The following TICRR variants were observed in gnomAD, a reference collection of about 807,000 sequenced individuals.
The protein encoded by TICRR is treslin.
Under a neutral mutation model 178.1 loss-of-function variants are expected in TICRR, and 132 were observed. The ratio of observed to expected loss-of-function variants is 0.74; its 90% CI spans 0.64 to 0.86. The LOEUF is 0.86. Ranked by LOEUF, TICRR falls within the 40% of genes least tolerant of loss-of-function variation. TICRR has a pLI of 0.00. For synonymous variants in TICRR, 991 were observed against 900.7 expected (o/e 1.10, Z -1.79); for missense variants, 2,587 against 2,334.3 (o/e 1.11, Z -2.23).
In TICRR at chr15:89,585,796, G is replaced by A; in HGVS notation, c.1265G>A (p.Cys422Tyr). 1 of 1,614,162 alleles carries A rather than the reference G, an allele frequency of 6.2e-7. No homozygotes were observed. ...LSASAMILTV[C>Y]RTKEAEFQRH... ...GCCAGTGCTATGATCCTCACTGTGTGCCGCACCAAGGAGGCTGAATTTCAA... is the reference window on the plus strand; with the variant it reads ...GCCAGTGCTATGATCCTCACTGTGTACCGCACCAAGGAGGCTGAATTTCAA... The change falls in exon 4 of 22, where the codon TGC becomes TAC. Residue 422 changes from cysteine to tyrosine, a missense_variant. Coordinates refer to ENST00000268138, the MANE Select transcript of TICRR (RefSeq NM_152259.4).
intron 15 of TICRR, 151 bp downstream of exon 15, chr15:89,609,100 C>CTTTTTTTTTTTTTTTTTTTTTTTTTTTT (rs59398617): frequency 2.5e-5 from 2 of 81,478 alleles, no homozygotes; most frequent in Admixed American, 2.6e-4. Flanking sequence ...TTTTGTTAAT[C>CTTTTTTTTTTTTTTTTTTTTTTTTTTTT]TTTTTTTTTT....
rs778784044 is a variant in TICRR, at chr15:89,624,804, G to T, written c.4494G>T (p.Lys1498Asn). 1.9e-6 allele frequency: 3 copies of T among 1,614,208 alleles called. No individual in the cohort carries two copies. Among genetic ancestry groups the T allele is most frequent in the Non-Finnish European group, 2.5e-6 (3 of 1,180,048 alleles). The change falls in exon 20 of 22, where the codon AAG becomes AAT. Residue 1498 changes from lysine to asparagine, a missense_variant. Coordinates refer to ENST00000268138, the MANE Select transcript of TICRR (RefSeq NM_152259.4). ...GGCTAAGGACAGCAGATGCTGAGAA[G>T]TCTTCTCTGTCTCACCCTGGGATTC... ...GEGLRTADAE[K>N]SSLSHPGIPP...
chr15:89,618,415 T>C (rs910340106), intron 17 of TICRR, among the ~76,000 whole-genome samples: 1 of 152,222 alleles, frequency 6.6e-6, no homozygotes. Flanking sequence ...GAAATATTTT[T>C]GCACAACAGA....
chr15:89,588,739 G>A (rs1036764708), intron 4 of TICRR, among the ~76,000 whole-genome samples: 2 of 152,124 alleles, frequency 1.3e-5, no homozygotes, highest in African/African-American at 4.8e-5. Flanking sequence ...TCAAATGTGT[G>A]TATGGAAGTT....
In TICRR at chr15:89,624,351, C is replaced by T. The variant is rs1963475607; in HGVS notation, c.4041C>T (p.Pro1347=). The change falls in exon 20 of 22, where the codon CCC becomes CCT. Residue 1347 remains proline, a synonymous_variant. Transcript: ENST00000268138. ...ELDQKEPQMS[P]SVAASLSCPV... ...ATCAGAAAGAGCCCCAGATGTCACCCAGCGTAGCTGCATCTCTCTCCTGCC... is the reference window on the plus strand; with the variant it reads ...ATCAGAAAGAGCCCCAGATGTCACCTAGCGTAGCTGCATCTCTCTCCTGCC... 3 of 1,614,138 alleles carry T rather than the reference C, an allele frequency of 1.9e-6. No homozygotes were observed. The South Asian group carries it at 3.3e-5, about 18-fold the overall frequency.
chr15:89,611,853 T>G (rs888923440), intron 15 of TICRR, among the ~76,000 whole-genome samples: 3 of 152,212 alleles, frequency 2.0e-5, no homozygotes, highest in African/African-American at 7.2e-5. Context: ...CTCATTTTGT[T>G]CATATATTAT....
At chr15:89,602,646 G>A (rs1409847933) in intron 12 of TICRR, 150 bp from the exon 13 acceptor site, 2 of 411,094 alleles carry the variant, frequency 4.9e-6, no homozygotes, top group Non-Finnish European at 8.5e-6. Context: ...AAATTCTGGG[G>A]TGACTTGTTT....
rs928163146 is a variant in TICRR at position 89,595,708 on chromosome 15, A to G, written c.1900+97A>G. 7.9e-5 allele frequency: 64 copies of G among 805,558 alleles called. No homozygotes were observed. The African/African-American group carries it at 9.0e-4, about 11-fold the overall frequency. The allele number at this position is 805,558 out of a possible 1,614,324, so 49.9% of individuals were successfully genotyped here. ...AGTTTATTGACTATCTGCTACATGC[A>G]CAAAAAGGTGTTATGGTGAATACAG... On this transcript the variant is annotated intron_variant, in intron 7 of 21. Coordinates refer to ENST00000268138, the MANE Select transcript of TICRR (RefSeq NM_152259.4).
intron 5 of TICRR, among the ~76,000 whole-genome samples, chr15:89,593,444 C>T (rs1313542675): frequency 5.3e-5 from 8 of 152,108 alleles, no homozygotes; most frequent in Admixed American, 4.6e-4. Context: ...GTGGCTCACA[C>T]CCGTAACCCC....
At position 89,618,275 on chromosome 15, in the gene TICRR, G is replaced by C. The variant is rs189404444; in HGVS notation, c.3019+65G>C. 75 of 1,440,834 alleles carry C rather than the reference G, an allele frequency of 5.2e-5. No homozygotes were observed. The African/African-American group carries it at 7.3e-4, about 14-fold the overall frequency. The allele number at this position is 1,440,834 out of a possible 1,614,324, so 89.3% of individuals were successfully genotyped here. A position where few individuals can be genotyped will look rare whatever the true frequency, so the allele number is the denominator to read the frequency against. Reference sequence around the variant, plus strand: ...AGCTTCTATGAAAACCTTTCTGTATGTATTGTTACTTGGCATATCCTAAGA... The same window carrying C: ...AGCTTCTATGAAAACCTTTCTGTATCTATTGTTACTTGGCATATCCTAAGA... On this transcript the variant is annotated intron_variant, in intron 17 of 21. Transcript: ENST00000268138.
At chr15:89,619,570 A>G in intron 17 of TICRR, 138 bp from the exon 18 acceptor site, 1 of 834,868 alleles carries the variant, frequency 1.2e-6, no homozygotes, top group Non-Finnish European at 1.9e-6. Context: ...ACACTTCAGA[A>G]GTCTCTTAAA....
Position 89,623,805 on chromosome 15 carries a change from T to C in TICRR, c.3495T>C (p.His1165=). ...ESLKDSSSPG[H]DSPLDSKITP... is the part of the protein sequence containing the mutation. Reference sequence around the variant, plus strand: ...TAAAAGACTCCTCCTCACCCGGCCATGACTCACCATTGGATTCAAAAATCA... The same window carrying C: ...TAAAAGACTCCTCCTCACCCGGCCACGACTCACCATTGGATTCAAAAATCA... Residue 1165 remains histidine, a synonymous_variant, in exon 20 of 22, where the codon CAT becomes CAC. Coordinates refer to ENST00000268138, the MANE Select transcript of TICRR (RefSeq NM_152259.4). 6.2e-7 allele frequency: 1 copy of C among 1,613,864 alleles called. No homozygotes were observed. Among genetic ancestry groups the C allele is most frequent in the South Asian group, 1.1e-5 (1 of 91,074 alleles).
chr15:89,583,609 G>A (rs1354326559), intron 2 of TICRR, among the ~76,000 whole-genome samples: 1 of 152,122 alleles, frequency 6.6e-6, no homozygotes, highest in Non-Finnish European at 1.5e-5. Context: ...AAGATATGAT[G>A]CACTGTACTT....
chr15:89,600,699 AT>A lies in TICRR; in HGVS notation c.2153+20del. ...CAAAGTTAGAGAGTAAGTAACTACC[AT>A]TTTTTAAAAAATCATCACTCTAAAA... is the stretch of plus-strand genomic sequence containing the variant. On this transcript the variant is annotated intron_variant, in intron 9 of 21. Coordinates refer to ENST00000268138, the MANE Select transcript of TICRR (RefSeq NM_152259.4). 7.7e-7 allele frequency: 1 copy of A among 1,291,232 alleles called. No homozygotes were observed. Among genetic ancestry groups the A allele is most frequent in the South Asian group, 1.3e-5 (1 of 75,530 alleles). The allele number at this position is 1,291,232 out of a possible 1,614,324, so 80.0% of individuals were successfully genotyped here.
chr15:89,625,669 G>A lies in TICRR; in HGVS notation c.5359G>A (p.Ala1787Thr). 1 of 1,613,774 alleles carries A rather than the reference G, an allele frequency of 6.2e-7. No individual in the cohort carries two copies. Among genetic ancestry groups the A allele is most frequent in the Non-Finnish European group, 8.5e-7 (1 of 1,180,032 alleles). Residue 1787 changes from alanine (A) to threonine (T), a missense_variant, in exon 20 of 22, where the codon GCC (alanine) becomes ACC (threonine). Transcript: ENST00000268138. ...LLAKEEADRG[A>T]KRICDLREDS... is the part of the protein sequence containing the mutation. ...GGCCAAGGAAGAAGCTGACCGTGGA[G>A]CCAAAAGGATCTGTGACCTGAGAGA...
rs1380472898 is a variant in TICRR, at chr15:89,582,878, G to A, written c.847G>A (p.Ala283Thr). ...SPWISMLPTD[A>T]TLNRLLYNSP... ...GTGGATTTCAATGCTGCCAACTGAT[G>A]CCACTTTAAACCGTTTGCTCTACAA... Residue 283 changes from alanine (A) to threonine (T), a missense_variant, in exon 2 of 22, where the codon GCC becomes ACC. Physicochemically the swap from Ala to Thr is moderately conservative, Grantham distance 58. Transcript: ENST00000268138. 6.2e-7 allele frequency: 1 copy of A among 1,614,042 alleles called. No homozygotes were observed. The highest frequency in any genetic ancestry group is 1.3e-5 in the African/African-American group (1 of 74,922).
At chr15:89,615,150 C>G (rs932580479) in intron 15 of TICRR, among the ~76,000 whole-genome samples, 1 of 152,204 alleles carries the variant, frequency 6.6e-6, no homozygotes, top group Non-Finnish European at 1.5e-5. Flanking sequence ...CCACCTCAGG[C>G]AGCTGTAACA....
Position 89,602,798 on chromosome 15 carries a change from A to C in TICRR, c.2570A>C (p.Lys857Thr). 1 of 1,459,540 alleles carries C rather than the reference A, an allele frequency of 6.9e-7. No homozygotes were observed. Among genetic ancestry groups the C allele is most frequent in the Non-Finnish European group, 9.1e-7 (1 of 1,100,796 alleles). 90.4% of individuals were successfully genotyped at this position (1,459,540 alleles called of 1,614,324 possible). Residue 857 changes from lysine (K) to threonine (T), a missense_variant and splice_region_variant, in exon 13 of 22, where the codon AAA becomes ACA. Coordinates refer to ENST00000268138, the MANE Select transcript of TICRR (RefSeq NM_152259.4). ...LRTRSAKKRR[K>T]NALIRHKSIA... ...TTAACTATTTCTATTTTTAAAAGGA[A>C]AAATGCATTAATAAGACATAAAAGC...
intron 5 of TICRR, among the ~76,000 whole-genome samples, chr15:89,593,566 C>T (rs971066675): frequency 5.9e-5 from 9 of 152,222 alleles, no homozygotes; most frequent in Admixed American, 2.0e-4. Flanking sequence ...ATTAGCCCGG[C>T]GTGGTGGCAC....
Sources: gnomAD v4.1 joint callset for allele counts (sites outside exome capture counted in the v4.1 genomes callset) on GRCh38, gnomAD v4.1.1 for gene constraint, MANE v1.5 for transcripts, NCBI Gene and HGNC (gene_info 2026-07-23, HGNC 2026-07-21) for gene names.